The following NSUN6 variants were observed in gnomAD, a reference collection of about 807,000 sequenced individuals.
NSUN6 encodes the protein tRNA (cytosine(72)-C(5))-methyltransferase NSUN6.
In NSUN6, 64 loss-of-function variants were observed where a neutral mutation model predicts 58.0. The ratio of observed to expected loss-of-function variants is 1.10; its 90% CI spans 0.90 to 1.36. The LOEUF (loss-of-function observed/expected upper bound fraction) is 1.36, where lower values mean the gene tolerates loss of function less well. Ranked by LOEUF, NSUN6 falls within the 40% of genes most tolerant of loss-of-function variation. NSUN6 has a pLI of 0.00. For missense variants in NSUN6, 701 were observed against 550.1 expected (o/e 1.27, Z -2.74); for synonymous variants, 231 against 193.9 (o/e 1.19, Z -1.59).
At position 18,642,553 on chromosome 10, in the gene NSUN6, C is replaced by A. The variant is rs1373115294; in HGVS notation, c.234G>T (p.Gln78His). The change falls in exon 3 of 11, where the codon CAG becomes CAT. Residue 78 changes from glutamine (Q) to histidine (H), a missense_variant and splice_region_variant. By Grantham distance (24) the Gln-to-His change is conservative. Transcript: ENST00000377304. ...KNLLLDELQK[Q>H]FNGLSVPILQ... ...GAATAGGAACACTTAATCCATTAAA[C>A]TGCTGTTAAAGATAAACATGATTAT... 6.9e-7 allele frequency: 1 copy of A among 1,439,718 alleles called. No homozygotes were observed. Among genetic ancestry groups the A allele is most frequent in the Non-Finnish European group, 9.8e-7 (1 of 1,023,822 alleles). The allele number at this position is 1,439,718 out of a possible 1,614,324, so 89.2% of individuals were successfully genotyped here.
chr10:18,634,176 A>G (rs2059133916), intron 3 of NSUN6, among the ~76,000 whole-genome samples: 1 of 152,226 alleles, frequency 6.6e-6, no homozygotes, highest in Non-Finnish European at 1.5e-5. Flanking sequence ...ACAAAAGGAA[A>G]AATATTTCAA....
At chr10:18,652,396 GTTTT>G, upstream of NSUN6, 1 of 983,946 alleles carries the variant, frequency 1.0e-6, no homozygotes, top group Non-Finnish European at 1.2e-6. Context: ...ATAGGAAAGG[GTTTT>G]TTATTGTTTT....
In NSUN6 at chr10:18,562,767, G is replaced by A. The variant is rs188174729; in HGVS notation, c.923-10796C>T. 3.9e-3 allele frequency among the ~76,000 whole-genome samples: 582 copies of A among 150,984 alleles called. 7 individuals carry two copies. The highest frequency in any genetic ancestry group is 5.4e-3 in the Non-Finnish European group (363 of 67,726). ...GGAGAATGAACTGGAATGGACAATG[G>A]AATGGAATGGATAATGGAATGGAAT... is the stretch of plus-strand genomic sequence containing the variant. On this transcript the variant is annotated intron_variant, in intron 8 of 10. Transcript: ENST00000377304.
At chr10:18,570,993 C>A (rs866547589) in intron 8 of NSUN6, among the ~76,000 whole-genome samples, 1 of 151,136 alleles carries the variant, frequency 6.6e-6, no homozygotes, top group African/African-American at 2.4e-5. Context: ...CCATTCCATT[C>A]TATTCACCAC....
chr10:18,635,919 C>A (rs1314910601), intron 3 of NSUN6, among the ~76,000 whole-genome samples: 3 of 150,234 alleles, frequency 2.0e-5, no homozygotes, highest in Admixed American at 6.6e-5. Flanking sequence ...TTACACTGGC[C>A]AAATGTCTAA....
At chr10:18,568,548 A>T (rs2130946755) in intron 8 of NSUN6, among the ~76,000 whole-genome samples, 4 of 132,076 alleles carry the variant, frequency 3.0e-5, no homozygotes, top group African/African-American at 5.7e-5. Context: ...TTCCATTCCA[A>T]TCCATTCTCC....
rs61840806 is a variant in NSUN6 at position 18,596,313 on chromosome 10, G to A, written c.672C>T (p.Ala224=). 1.3e-5 allele frequency: 21 copies of A among 1,579,054 alleles called. No homozygotes were observed. In the Admixed American group the frequency reaches 2.2e-4, roughly 16 times the overall value. The change falls in exon 7 of 11, where the codon GCC becomes GCT. Residue 224 remains alanine (A), a synonymous_variant. Transcript: ENST00000377304. ...RYLFLQNLPS[A]LVSHVLNPQP... ...GAGGATTTAGTACATGACTTACTAA[G>A]GCAGATGGCAAATTCTATAAGGAAA...
In NSUN6 at chr10:18,564,145, T is replaced by C. The variant is rs574359092; in HGVS notation, c.923-12174A>G. On this transcript the variant is annotated intron_variant, in intron 8 of 10. Coordinates refer to ENST00000377304, the MANE Select transcript of NSUN6 (RefSeq NM_182543.5). ...ATATTCCATCCCATTTCCCAGTCCATTCTCCATTACAGTCCATTCCATTTT... is the reference window on the plus strand; with the variant it reads ...ATATTCCATCCCATTTCCCAGTCCACTCTCCATTACAGTCCATTCCATTTT... Among the ~76,000 whole-genome samples the C allele has an allele frequency of 2.6e-4, 39 of 151,386 alleles. 1 individual carries two copies. The South Asian group carries it at 7.5e-3, about 29-fold the overall frequency.
At chr10:18,654,124 C>G (rs1460222007), upstream of NSUN6, among the ~76,000 whole-genome samples, 1 of 152,138 alleles carries the variant, frequency 6.6e-6, no homozygotes, top group Non-Finnish European at 1.5e-5. Flanking sequence ...GCCCTCGAGT[C>G]TCACTCTGTC....
chr10:18,599,558 A>C (rs1315713212), intron 6 of NSUN6, among the ~76,000 whole-genome samples: 1 of 152,156 alleles, frequency 6.6e-6, no homozygotes, highest in Non-Finnish European at 1.5e-5. Context: ...AAATCACCCT[A>C]GGTGATTCTA....
At chr10:18,615,766 C>T (rs1325080984) in intron 4 of NSUN6, among the ~76,000 whole-genome samples, 1 of 152,200 alleles carries the variant, frequency 6.6e-6, no homozygotes, top group Non-Finnish European at 1.5e-5. Flanking sequence ...ATATGCAACA[C>T]AGGTATGTCG....
intron 3 of NSUN6, among the ~76,000 whole-genome samples, chr10:18,616,638 G>A (rs761677777): frequency 6.6e-6 from 1 of 152,088 alleles, no homozygotes; most frequent in Non-Finnish European, 1.5e-5. Flanking sequence ...AATACACAAG[G>A]AATTACAAAA....
intron 4 of NSUN6, among the ~76,000 whole-genome samples, 161 bp downstream of exon 4, chr10:18,616,023 T>C (rs2058396629): frequency 1.3e-5 from 2 of 151,770 alleles, no homozygotes; most frequent in Admixed American, 1.3e-4. Context: ...GATGACTAGT[T>C]TGTTAGTCCT....
intron 8 of NSUN6, among the ~76,000 whole-genome samples, chr10:18,577,757 G>C (rs192036264): frequency 6.6e-6 from 1 of 152,004 alleles, no homozygotes; most frequent in Non-Finnish European, 1.5e-5. Flanking sequence ...AACCTTTATC[G>C]ATCACCTGCT....
Position 18,585,996 on chromosome 10 carries a change from A to G in NSUN6, c.875T>C (p.Phe292Ser), listed in dbSNP as rs2057119087. The change falls in exon 8 of 11, where the codon TTT (phenylalanine) becomes TCT (serine). Residue 292 changes from phenylalanine (F) to serine (S), a missense_variant. Coordinates refer to ENST00000377304, the MANE Select transcript of NSUN6 (RefSeq NM_182543.5). ...AAGTTTAACCGCCTTTGTTCCATCA[A>G]AACAAAATGCCCTGATGGAATTCAG... ...LGLNSIRAFC[F>S]DGTKAVKLDM... 2 of 1,611,464 alleles carry G rather than the reference A, an allele frequency of 1.2e-6. No homozygotes were observed. The highest frequency in any genetic ancestry group is 1.7e-6 in the Non-Finnish European group (2 of 1,179,286).
rs1422558865 is a variant in NSUN6, at chr10:18,562,839, A to G, written c.923-10868T>C. ...GGGAGGATGGAATGGAATGAAATGG[A>G]GCGTGGAATGGAGATTCTTATGAAT... On this transcript the variant is annotated intron_variant, in intron 8 of 10. Transcript: ENST00000377304. Among the ~76,000 whole-genome samples the G allele has an allele frequency of 2.2e-5, 3 of 138,142 alleles. No homozygotes were observed. In the Admixed American group the frequency reaches 2.2e-4, roughly 10 times the overall value. 90.6% of individuals were successfully genotyped at this position (138,142 alleles called of 152,430 possible).
At chr10:18,558,430 A>C (rs2055216672) in intron 8 of NSUN6, among the ~76,000 whole-genome samples, 1 of 151,106 alleles carries the variant, frequency 6.6e-6, no homozygotes, top group South Asian at 2.1e-4. Context: ...ATGTAATGGA[A>C]TGGAGGATGG....
intron 8 of NSUN6, among the ~76,000 whole-genome samples, chr10:18,559,399 T>C (rs577108904): frequency 7.2e-6 from 1 of 138,412 alleles, no homozygotes; most frequent in Non-Finnish European, 1.6e-5. Context: ...TGGAAAGGAA[T>C]GGGGAATGGA....
intron 7 of NSUN6, among the ~76,000 whole-genome samples, chr10:18,588,268 G>T (rs2057246264): frequency 6.6e-6 from 1 of 152,200 alleles, no homozygotes; most frequent in African/African-American, 2.4e-5. Flanking sequence ...GGCCCACTCA[G>T]GGGCTTACAG....
Sources: allele counts gnomAD v4.1 joint callset (sites outside exome capture counted in the v4.1 genomes callset), GRCh38; gene constraint gnomAD v4.1.1; transcripts MANE v1.5; gene names NCBI Gene and HGNC (gene_info 2026-07-23, HGNC 2026-07-21).